Variants in NOX5 observed in about 807,000 individuals in gnomAD.
NOX5 encodes NADPH oxidase 5.
In NOX5, 76 loss-of-function variants were observed where a neutral mutation model predicts 85.7. That is an observed-to-expected ratio of 0.89 (90% CI 0.74 to 1.07). The LOEUF is 1.07. NOX5 is among the 50% of genes least tolerant of loss of function. The pLI is 0.00. For synonymous variants in NOX5, 405 were observed against 401.4 expected, an observed-to-expected ratio of 1.01 and a Z score of -0.11; for missense variants, 973 against 999.5, an observed-to-expected ratio of 0.97 and a Z score of 0.36.
Position 69,059,963 on chromosome 15 carries a change from C to G in NOX5, c.*3267C>G, listed in dbSNP as rs1045508647. 2.0e-5 allele frequency: 3 copies of G among 152,212 alleles called. No homozygotes were observed. Among genetic ancestry groups the G allele is most frequent in the African/African-American group, 7.2e-5 (3 of 41,436 alleles). 9.4% of individuals were successfully genotyped at this position (152,212 alleles called of 1,614,324 possible). On this transcript the variant is annotated 3_prime_UTR_variant, in exon 16 of 16. Coordinates refer to ENST00000388866, the MANE Select transcript of NOX5 (RefSeq NM_024505.4). Reference sequence around the variant, plus strand: ...CCAAAGCCTAGCACAGAGTGTAGACCAGATGTCGGTTCCTCCCAGGGCAAG... The same window carrying G: ...CCAAAGCCTAGCACAGAGTGTAGACGAGATGTCGGTTCCTCCCAGGGCAAG...
chr15:69,029,445 T>C (rs2050401449), intron 3 of NOX5: 1 of 152,252 alleles, frequency 6.6e-6, no homozygotes, highest in South Asian at 2.1e-4. Flanking sequence ...TCGTGATTAA[T>C]GCTGCTATGA....
Position 69,055,342 on chromosome 15 carries a change from CTGGAGCTGCATA to C in NOX5, c.2011_2022del (p.Glu671_Met674del). 1 of 1,613,928 alleles carries C rather than the reference CTGGAGCTGCATA, an allele frequency of 6.2e-7. No homozygotes were observed. The highest frequency in any genetic ancestry group is 8.5e-7 in the Non-Finnish European group (1 of 1,179,824). ...TGTCCCCTGCCCAACAGGCCGCTTC[CTGGAGCTGCATA>C]TGTACATGACATCTGCACTGGGCAA... On this transcript the variant is annotated inframe_deletion, in exon 15 of 16. Coordinates refer to ENST00000388866, the MANE Select transcript of NOX5 (RefSeq NM_024505.4).
intron 5 of NOX5, among the ~76,000 whole-genome samples, chr15:69,034,422 G>A (rs1595778114): frequency 6.6e-6 from 1 of 152,210 alleles, no homozygotes. Context: ...CCAGGAGTGG[G>A]AGACGTGTGA....
At position 69,028,379 on chromosome 15, in the gene NOX5, C is replaced by G; in HGVS notation, c.325+14C>G. 1 of 1,581,346 alleles carries G rather than the reference C, an allele frequency of 6.3e-7. No homozygotes were observed. ...ATGACATCGATGGTAAGGGCTCTTC[C>G]TGGGTGTGGGCTGGGGTGGGGAGAT... is the stretch of plus-strand genomic sequence containing the variant. On this transcript the variant is annotated intron_variant, in intron 3 of 15. Transcript: ENST00000388866.
At chr15:69,018,693 T>C (rs1018439749) in intron 1 of NOX5, among the ~76,000 whole-genome samples, 1 of 152,156 alleles carries the variant, frequency 6.6e-6, no homozygotes, top group African/African-American at 2.4e-5. Flanking sequence ...AAATGTTTGT[T>C]TTACTAAGGT....
At chr15:69,036,573 C>T (rs928018674) in intron 7 of NOX5, among the ~76,000 whole-genome samples, 3 of 152,132 alleles carry the variant, frequency 2.0e-5, no homozygotes, top group African/African-American at 7.2e-5. Flanking sequence ...AATCAGAATC[C>T]TCATTTGACC....
In NOX5 at chr15:69,033,701, CTTTTTTTTTT is replaced by C. The variant is rs570603838; in HGVS notation, c.855+431_855+440del. On this transcript the variant is annotated intron_variant, in intron 5 of 15. Transcript: ENST00000388866. ...GTTTTTTTTTTTCTTTCTTTTTTTT[CTTTTTTTTTT>C]TTTTTTGAGACGGAATTTTGCTCTT... Among the ~76,000 whole-genome samples the C allele has an allele frequency of 2.9e-3, 349 of 119,288 alleles. 3 individuals carry two copies. Among genetic ancestry groups the C allele is most frequent in the African/African-American group, 0.011 (341 of 31,026 alleles). The allele number at this position is 119,288 out of a possible 152,430, so 78.3% of individuals were successfully genotyped here.
intron 1 of NOX5, among the ~76,000 whole-genome samples, chr15:69,015,179 T>C (rs148117475): frequency 6.6e-6 from 1 of 152,308 alleles, no homozygotes; most frequent in African/African-American, 2.4e-5. Flanking sequence ...GGGTAAATTC[T>C]GGCCTCTGGT....
At chr15:69,015,764 G>A (rs914621757) in intron 1 of NOX5, among the ~76,000 whole-genome samples, 1 of 152,192 alleles carries the variant, frequency 6.6e-6, no homozygotes, top group Non-Finnish European at 1.5e-5. Context: ...ACCAAAGGGT[G>A]GCTATAAGTC....
intron 4 of NOX5, among the ~76,000 whole-genome samples, chr15:69,032,782 T>C (rs775736221): frequency 2.6e-5 from 4 of 152,222 alleles, no homozygotes; most frequent in African/African-American, 9.6e-5. Flanking sequence ...CCTTTTCGAC[T>C]GCTTCTTTTA....
In NOX5 at chr15:69,028,253, C is replaced by T. The variant is rs531921030; in HGVS notation, c.213C>T (p.Ser71=). The T allele has an allele frequency of 8.4e-5, 135 of 1,612,752 alleles. No homozygotes were observed. The highest frequency in any genetic ancestry group is 3.3e-4 in the Middle Eastern group (2 of 6,054). Reference sequence around the variant, plus strand: ...AGCGATTCTTTGCCCTATTTGACTCCGATAGAAGTGGCACCATCACCCTCC... The same window carrying T: ...AGCGATTCTTTGCCCTATTTGACTCTGATAGAAGTGGCACCATCACCCTCC... ...FAERFFALFD[S]DRSGTITLQE... is the part of the protein sequence containing the mutation. Residue 71 remains serine, a synonymous_variant, in exon 3 of 16, where the codon TCC becomes TCT. Transcript: ENST00000388866.
At chr15:69,044,293 TA>T (rs995296212) in intron 10 of NOX5, among the ~76,000 whole-genome samples, 1 of 152,218 alleles carries the variant, frequency 6.6e-6, no homozygotes, top group African/African-American at 2.4e-5. Flanking sequence ...GGTTCTGTTC[TA>T]GATGCTGGAG....
At chr15:69,047,735 C>T in intron 12 of NOX5, 95 bp from the exon 13 acceptor site, 1 of 1,407,084 alleles carries the variant, frequency 7.1e-7, no homozygotes. Flanking sequence ...TGGGCTCTGC[C>T]ACCCCATCCT....
At position 69,047,473 on chromosome 15, in the gene NOX5, G is replaced by A. The variant is rs759159780; in HGVS notation, c.1753G>A (p.Val585Met). ...CAGGATCTTTGCCTCTGAGCATGCC[G>A]TGCTCATCGGGGCAGGCATCGGCAT... Reference protein sequence around the residue: ...TRRIFASEHAVLIGAGIGITP... With the variant: ...TRRIFASEHAMLIGAGIGITP... The change falls in exon 12 of 16, where the codon GTG becomes ATG. Residue 585 changes from valine to methionine, a missense_variant. Transcript: ENST00000388866. 2.2e-5 allele frequency: 36 copies of A among 1,613,866 alleles called. No homozygotes were observed. In the Admixed American group the frequency reaches 2.5e-4, roughly 11 times the overall value.
chr15:69,046,535 G>T (rs1189657309), intron 10 of NOX5, among the ~76,000 whole-genome samples: 2 of 152,146 alleles, frequency 1.3e-5, no homozygotes, highest in African/African-American at 4.8e-5. Context: ...TCATGAGCTG[G>T]TTGTTAAACA....
At chr15:69,029,299 C>G (rs1230957101) in intron 3 of NOX5, 2 of 152,214 alleles carry the variant, frequency 1.3e-5, no homozygotes, top group Non-Finnish European at 2.9e-5. Flanking sequence ...TATCCTCAAG[C>G]TTCATCTGTG....
At chr15:69,039,010 T>C (rs1567101784) in intron 9 of NOX5, 21 bp downstream of exon 9, 2 of 1,613,672 alleles carry the variant, frequency 1.2e-6, no homozygotes, top group Non-Finnish European at 1.7e-6. Context: ...CCTCCTCCAG[T>C]CACTCTGCAC....
chr15:69,047,760 T>G (rs538007558), intron 12 of NOX5, 70 bp from the exon 13 acceptor site: 41 of 1,530,274 alleles, frequency 2.7e-5, no homozygotes, highest in Non-Finnish European at 3.6e-5. Flanking sequence ...CCCTGTCCCC[T>G]GAACTGTTCT....
intron 9 of NOX5, among the ~76,000 whole-genome samples, chr15:69,042,004 G>A (rs1375234750): frequency 6.7e-6 from 1 of 150,174 alleles, no homozygotes; most frequent in Non-Finnish European, 1.5e-5. Flanking sequence ...CGTGTATTTA[G>A]ACCCTTATTC....
Sources: gnomAD v4.1 joint callset for allele counts (sites outside exome capture counted in the v4.1 genomes callset) on GRCh38, gnomAD v4.1.1 for gene constraint, MANE v1.5 for transcripts, NCBI Gene and HGNC (gene_info 2026-07-23, HGNC 2026-07-21) for gene names.